TBC1D32: variants seen among roughly 807,000 people sequenced by gnomAD.
TBC1D32 encodes TBC1 domain family member 32.
Under a neutral mutation model 170.3 loss-of-function variants are expected in TBC1D32, and 151 were observed. That is an observed-to-expected ratio of 0.89 (90% CI 0.78 to 1.01). TBC1D32 has a LOEUF of 1.01. Among genes scored for constraint, TBC1D32 ranks in the 50% least tolerant of loss-of-function variants. TBC1D32 has a pLI of 0.00. For missense variants in TBC1D32, 1,464 were observed against 1,457.1 expected (o/e 1.00, Z -0.08); for synonymous variants, 498 against 488.0 (o/e 1.02, Z -0.27).
At chr6:121,222,347 A>G (rs906149640) in intron 21 of TBC1D32, among the ~76,000 whole-genome samples, 7 of 152,296 alleles carry the variant, frequency 4.6e-5, no homozygotes, top group Admixed American at 3.3e-4. Context: ...TCTGAGGTAT[A>G]CCTGTACTTA....
At position 121,304,501 on chromosome 6, in the gene TBC1D32, CA is replaced by C; in HGVS notation, c.873+20del. 1 of 1,601,818 alleles carries C rather than the reference CA, an allele frequency of 6.2e-7. No individual in the cohort carries two copies. Among genetic ancestry groups the C allele is most frequent in the Non-Finnish European group, 8.5e-7 (1 of 1,172,402 alleles). Reference sequence around the variant, plus strand: ...AAAACTAAATAAATAAAAATGAAAGCATATTGTAGTAAATGGATACCTTTTT... The same window carrying C: ...AAAACTAAATAAATAAAAATGAAAGCTATTGTAGTAAATGGATACCTTTTT... On this transcript the variant is annotated intron_variant, in intron 7 of 31. Transcript: ENST00000398212.
intron 24 of TBC1D32, among the ~76,000 whole-genome samples, chr6:121,155,771 T>C (rs1026467582): frequency 4.9e-4 from 74 of 152,138 alleles, no homozygotes; most frequent in African/African-American, 1.5e-3. Flanking sequence ...GGTAATGTAG[T>C]TTTTGTTTTT....
intron 25 of TBC1D32, among the ~76,000 whole-genome samples, chr6:121,130,630 T>C (rs893814548): frequency 6.6e-6 from 1 of 152,302 alleles, no homozygotes; most frequent in South Asian, 2.1e-4. Context: ...AAACAGCTGA[T>C]ACTTCTCTTT....
At chr6:121,136,766 T>C (rs1037785229) in intron 24 of TBC1D32, among the ~76,000 whole-genome samples, 2 of 152,174 alleles carry the variant, frequency 1.3e-5, no homozygotes, top group African/African-American at 2.4e-5. Flanking sequence ...CAAACTCCTT[T>C]CTTAAAACAG....
chr6:121,205,068 AT>A lies in TBC1D32; in HGVS notation c.2570+6del. On this transcript the variant is annotated splice_donor_region_variant and intron_variant, in intron 22 of 31. Coordinates refer to ENST00000398212, the MANE Select transcript of TBC1D32 (RefSeq NM_152730.6). Reference sequence around the variant, plus strand: ...TATAATATCAAAAGTAAAATGTAGCATTTTACCTTAGACCAAAGATATGTGA... The same window carrying A: ...TATAATATCAAAAGTAAAATGTAGCATTTACCTTAGACCAAAGATATGTGA... 6.8e-7 allele frequency: 1 copy of A among 1,467,572 alleles called. No individual in the cohort carries two copies. Among genetic ancestry groups the A allele is most frequent in the Non-Finnish European group, 9.3e-7 (1 of 1,080,262 alleles). 90.9% of individuals were successfully genotyped at this position (1,467,572 alleles called of 1,614,324 possible).
At chr6:121,150,287 G>A (rs1784049280) in intron 24 of TBC1D32, among the ~76,000 whole-genome samples, 1 of 152,122 alleles carries the variant, frequency 6.6e-6, no homozygotes, top group African/African-American at 2.4e-5. Flanking sequence ...TGTCTGTTCT[G>A]TTTATGTGAT....
intron 1 of TBC1D32, among the ~76,000 whole-genome samples, chr6:121,324,017 C>T (rs1185811139): frequency 6.6e-6 from 1 of 152,138 alleles, no homozygotes; most frequent in Non-Finnish European, 1.5e-5. Flanking sequence ...TGATATTATT[C>T]TATTTACCAT....
At chr6:121,284,998 T>C (rs1302520611) in intron 12 of TBC1D32, among the ~76,000 whole-genome samples, 1 of 151,972 alleles carries the variant, frequency 6.6e-6, no homozygotes, top group Non-Finnish European at 1.5e-5. Context: ...TCACAATCAA[T>C]GAGAAGAAAA....
intron 15 of TBC1D32, among the ~76,000 whole-genome samples, chr6:121,271,494 G>T (rs986622919): frequency 6.6e-6 from 1 of 152,090 alleles, no homozygotes; most frequent in Admixed American, 6.5e-5. Context: ...GCCACATCCT[G>T]AGTGAACTCC....
At chr6:121,100,063 G>A (rs1241646004) in intron 30 of TBC1D32, among the ~76,000 whole-genome samples, 2 of 151,950 alleles carry the variant, frequency 1.3e-5, no homozygotes, top group African/African-American at 2.4e-5. Flanking sequence ...TGGTTTCCAT[G>A]TAGTTGAGCG....
intron 17 of TBC1D32, among the ~76,000 whole-genome samples, chr6:121,252,291 T>C (rs1018285140): frequency 2.0e-5 from 3 of 152,196 alleles, no homozygotes; most frequent in African/African-American, 7.2e-5. Flanking sequence ...TATTGCAGCA[T>C]TGTTCACAAT....
intron 24 of TBC1D32, 33 bp from the exon 25 acceptor site, chr6:121,131,785 G>A (rs527959714): frequency 6.6e-7 from 1 of 1,521,680 alleles, no homozygotes; most frequent in Non-Finnish European, 9.0e-7. Context: ...ATTATAATAA[G>A]ACATGCTAGA....
chr6:121,251,210 G>A (rs968077030), intron 17 of TBC1D32, among the ~76,000 whole-genome samples: 1 of 151,524 alleles, frequency 6.6e-6, no homozygotes, highest in African/African-American at 2.4e-5. Flanking sequence ...TTTCCTCATA[G>A]AATTAAAAAA....
At chr6:121,126,319 C>T (rs1780843404) in intron 26 of TBC1D32, 59 bp downstream of exon 26, 5 of 1,257,416 alleles carry the variant, frequency 4.0e-6, no homozygotes, top group Non-Finnish European at 5.7e-6. Flanking sequence ...TACACATCTC[C>T]ATTAATTATC....
chr6:121,149,003 G>T (rs1249529457), intron 24 of TBC1D32, among the ~76,000 whole-genome samples: 1 of 151,956 alleles, frequency 6.6e-6, no homozygotes, highest in Non-Finnish European at 1.5e-5. Flanking sequence ...CTCTCTAATG[G>T]CCAGTGATGA....
At chr6:121,094,846 T>C (rs1041102280) in intron 30 of TBC1D32, among the ~76,000 whole-genome samples, 2 of 152,150 alleles carry the variant, frequency 1.3e-5, no homozygotes, top group Non-Finnish European at 2.9e-5. Flanking sequence ...AATACTATAA[T>C]AACATATTTG....
At chr6:121,314,090 G>C (rs1808604878) in intron 3 of TBC1D32, among the ~76,000 whole-genome samples, 1 of 152,178 alleles carries the variant, frequency 6.6e-6, no homozygotes, top group Non-Finnish European at 1.5e-5. Flanking sequence ...ACAAAATAGA[G>C]CTCAGGTTGT....
intron 15 of TBC1D32, among the ~76,000 whole-genome samples, chr6:121,276,501 C>CA (rs1452267061): frequency 2.0e-5 from 3 of 151,146 alleles, no homozygotes; most frequent in Non-Finnish European, 2.9e-5. Context: ...CCAGATAAGG[C>CA]AAAAAGAGTA....
At chr6:121,172,885 A>T (rs947596683) in intron 22 of TBC1D32, among the ~76,000 whole-genome samples, 3 of 152,098 alleles carry the variant, frequency 2.0e-5, no homozygotes, top group Non-Finnish European at 4.4e-5. Context: ...GGATAGTTAT[A>T]TTATGTTAGG....
Sources: allele counts gnomAD v4.1 joint callset (sites outside exome capture counted in the v4.1 genomes callset), GRCh38; gene constraint gnomAD v4.1.1; transcripts MANE v1.5; gene names NCBI Gene and HGNC (gene_info 2026-07-23, HGNC 2026-07-21).